The following RAD18 variants were observed in gnomAD, a reference collection of about 807,000 sequenced individuals.
The protein encoded by RAD18 is RAD18 E3 ubiquitin protein ligase, also known as E3 ubiquitin-protein ligase RAD18.
Under a neutral mutation model 60.4 loss-of-function variants are expected in RAD18, and 47 were observed. The ratio of observed to expected loss-of-function variants is 0.78; its 90% confidence interval spans 0.62 to 0.99. The LOEUF (loss-of-function observed/expected upper bound fraction) is 0.99, where lower values mean the gene tolerates loss of function less well. Ranked by LOEUF, RAD18 falls within the 50% of genes least tolerant of loss-of-function variation. The pLI, the probability that RAD18 is intolerant of heterozygous loss-of-function variation, is 0.00. For synonymous variants in RAD18, 225 were observed against 195.5 expected (o/e 1.15, Z -1.26); for missense variants, 640 against 593.3 (o/e 1.08, Z -0.82).
intron 7 of RAD18, among the ~76,000 whole-genome samples, chr3:8,932,369 C>T (rs1359340581): frequency 2.0e-5 from 3 of 152,030 alleles, no homozygotes; most frequent in African/African-American, 7.2e-5. Context: ...AAGCCTTTAT[C>T]AAAGAAAATA....
At chr3:8,961,902 C>G (rs1014058347) in intron 1 of RAD18, among the ~76,000 whole-genome samples, 4 of 152,182 alleles carry the variant, frequency 2.6e-5, no homozygotes, top group Non-Finnish European at 5.9e-5. Flanking sequence ...AGGAGCTTTA[C>G]AGGTTACAGA....
At chr3:8,931,970 C>T (rs1325577172) in intron 7 of RAD18, among the ~76,000 whole-genome samples, 2 of 152,256 alleles carry the variant, frequency 1.3e-5, no homozygotes, top group Middle Eastern at 3.4e-3. Context: ...TGACATTTGA[C>T]ATTTACCTTC....
At chr3:8,943,817 CG>C (rs1175479289) in intron 4 of RAD18, among the ~76,000 whole-genome samples, 2 of 152,186 alleles carry the variant, frequency 1.3e-5, no homozygotes, top group Non-Finnish European at 2.9e-5. Context: ...CTAAACTGAA[CG>C]ATAGCATGAA....
At chr3:8,888,335 G>A (rs1394859093) in intron 12 of RAD18, among the ~76,000 whole-genome samples, 1 of 152,230 alleles carries the variant, frequency 6.6e-6, no homozygotes, top group Non-Finnish European at 1.5e-5. Context: ...AGACCAGTCT[G>A]CAGAAAATAA....
At chr3:8,912,397 A>C (rs1186667800) in intron 8 of RAD18, 25 bp from the exon 9 acceptor site, 29 of 1,461,538 alleles carry the variant, frequency 2.0e-5, no homozygotes, top group Non-Finnish European at 2.6e-5. Flanking sequence ...AAAAGACCTT[A>C]ATAAAAATCT....
At chr3:8,932,418 C>A (rs1338952297) in intron 7 of RAD18, among the ~76,000 whole-genome samples, 1 of 152,114 alleles carries the variant, frequency 6.6e-6, no homozygotes, top group African/African-American at 2.4e-5. Flanking sequence ...ACAGCAGACA[C>A]CACTAGTCAC....
chr3:8,908,115 CTCTT>C (rs1225227748), intron 9 of RAD18, among the ~76,000 whole-genome samples: 1 of 152,130 alleles, frequency 6.6e-6, no homozygotes, highest in African/African-American at 2.4e-5. Context: ...TGCCACCTCT[CTCTT>C]TCCTTTGGGT....
chr3:8,939,237 C>T (rs1290046559), intron 6 of RAD18, among the ~76,000 whole-genome samples: 1 of 151,914 alleles, frequency 6.6e-6, no homozygotes, highest in East Asian at 1.9e-4. Context: ...GGCCAAGAGG[C>T]TTTTTGGTAG....
chr3:8,897,507 C>T (rs1358863949), intron 11 of RAD18, among the ~76,000 whole-genome samples: 2 of 152,166 alleles, frequency 1.3e-5, no homozygotes, highest in African/African-American at 2.4e-5. Context: ...TCATTAACCC[C>T]ACCCTGAGAA....
At chr3:8,892,188 G>A (rs1939702401) in intron 11 of RAD18, among the ~76,000 whole-genome samples, 1 of 152,150 alleles carries the variant, frequency 6.6e-6, no homozygotes, top group Non-Finnish European at 1.5e-5. Flanking sequence ...CTACACAACT[G>A]CAGCTTTAAA....
intron 9 of RAD18, among the ~76,000 whole-genome samples, chr3:8,904,800 AC>A (rs1186755805): frequency 6.6e-6 from 1 of 152,212 alleles, no homozygotes; most frequent in Non-Finnish European, 1.5e-5. Context: ...CTATTTTCCT[AC>A]TAAGGCCATT....
chr3:8,887,799 A>AAT (rs1939595930), intron 12 of RAD18, among the ~76,000 whole-genome samples: 1 of 152,182 alleles, frequency 6.6e-6, no homozygotes, highest in South Asian at 2.1e-4. Context: ...TTGACATCAT[A>AAT]ATATATAGCC....
Position 8,963,369 on chromosome 3 carries a change from T to G in RAD18, c.17A>C (p.Glu6Ala), listed in dbSNP as rs45520133. 1,050 of 1,608,830 alleles carry G rather than the reference T, an allele frequency of 6.5e-4. 6 individuals are homozygous for G. The African/African-American group carries it at 0.013, about 20-fold the overall frequency. Residue 6 changes from glutamate (E) to alanine (A), a missense_variant, in exon 1 of 13, where the codon GAG becomes GCG. Coordinates refer to ENST00000264926, the MANE Select transcript of RAD18 (RefSeq NM_020165.4). ...TGCCAGGCCCGGAGGCCACCGAGAC[T>G]CGGCCAGGGAGTCCATGGTCGCTCC... The part of the protein sequence containing the change: MDSLA[E>A]SRWPPGLAVM...
At chr3:8,902,238 C>G in intron 10 of RAD18, 142 bp downstream of exon 10, 1 of 721,168 alleles carries the variant, frequency 1.4e-6, no homozygotes, top group Non-Finnish European at 2.0e-6. Flanking sequence ...TTACAAACTG[C>G]TACATGAAGT....
intron 7 of RAD18, among the ~76,000 whole-genome samples, chr3:8,933,581 T>C (rs1380522093): frequency 6.6e-6 from 1 of 152,148 alleles, no homozygotes; most frequent in Non-Finnish European, 1.5e-5. Flanking sequence ...AAATTGACAT[T>C]TTAGAATAAA....
rs75036902 is a variant in RAD18 at position 8,889,114 on chromosome 3, T to G, written c.1385+1275A>C. Among the ~76,000 whole-genome samples the G allele has an allele frequency of 6.2e-3, 938 of 152,346 alleles. 10 individuals are homozygous for G. The highest frequency in any genetic ancestry group is 0.021 in the African/African-American group (881 of 41,576). On this transcript the variant is annotated intron_variant, in intron 12 of 12. Coordinates refer to ENST00000264926, the MANE Select transcript of RAD18 (RefSeq NM_020165.4). ...TCTCATAATAAAACCATGTGTGCCCTGGATACACCATACTTTTCCACTCTC... is the reference window on the plus strand; with the variant it reads ...TCTCATAATAAAACCATGTGTGCCCGGGATACACCATACTTTTCCACTCTC...
At chr3:8,882,492 G>A (rs1230150437) in intron 12 of RAD18, among the ~76,000 whole-genome samples, 1 of 152,146 alleles carries the variant, frequency 6.6e-6, no homozygotes, top group Admixed American at 6.5e-5. Context: ...GCCCACCCCT[G>A]AGACTCAGGC....
In RAD18 at chr3:8,956,750, T is replaced by TAAAAAAAAAA. The variant is rs59945420; in HGVS notation, c.133+2160_133+2169dup. On this transcript the variant is annotated intron_variant, in intron 2 of 12. Coordinates refer to ENST00000264926, the MANE Select transcript of RAD18 (RefSeq NM_020165.4). Reference sequence around the variant, plus strand: ...CAAAATTCAACACCCATTCATGATTTAAAAAAAAAAATCCTCTCGCCTAAC... The same window carrying TAAAAAAAAAA: ...CAAAATTCAACACCCATTCATGATTTAAAAAAAAAAAAAAAAAAAAATCCTCTCGCCTAAC... 1.8e-3 allele frequency among the ~76,000 whole-genome samples: 253 copies of TAAAAAAAAAA among 137,782 alleles called. 2 individuals are homozygous for TAAAAAAAAAA. The highest frequency in any genetic ancestry group is 7.0e-3 in the African/African-American group (220 of 31,288). The allele number at this position is 137,782 out of a possible 152,430, so 90.4% of individuals were successfully genotyped here.
At chr3:8,884,896 A>G (rs2125044978) in intron 12 of RAD18, among the ~76,000 whole-genome samples, 2 of 152,222 alleles carry the variant, frequency 1.3e-5, no homozygotes, top group African/African-American at 4.8e-5. Flanking sequence ...ATAAGATCTC[A>G]CAGGTACAGC....
Sources: allele counts gnomAD v4.1 joint callset (sites outside exome capture counted in the v4.1 genomes callset), GRCh38; gene constraint gnomAD v4.1.1; transcripts MANE v1.5; gene names NCBI Gene and HGNC (gene_info 2026-07-23, HGNC 2026-07-21).